Variants in RSRP1 observed in about 807,000 individuals in gnomAD.
RSRP1 encodes arginine and serine rich protein 1, also known as arginine/serine-rich protein 1.
In RSRP1, 37 loss-of-function variants were observed where a neutral mutation model predicts 33.0. That is an observed-to-expected ratio of 1.12 (90% CI 0.86 to 1.48). The LOEUF (loss-of-function observed/expected upper bound fraction) is 1.48. Ranked by LOEUF, RSRP1 falls within the 40% of genes most tolerant of loss-of-function variation. RSRP1 has a pLI of 0.00. For synonymous variants in RSRP1, 167 were observed against 158.7 expected (o/e 1.05, Z -0.40); for missense variants, 402 against 385.3 (o/e 1.04, Z -0.36).
chr1:25,271,959 G>A lies in RSRP1; in HGVS notation c.-66-24930C>T, dbSNP rs1640538430. Reference sequence around the variant, plus strand: ...CATAGATTTAAATACAAATTCAAATGTAAGTAATTTCAACTGTGTAACTAT... The same window carrying A: ...CATAGATTTAAATACAAATTCAAATATAAGTAATTTCAACTGTGTAACTAT... On this transcript the variant is annotated intron_variant, in intron 1 of 1. Coordinates refer to the RSRP1 transcript ENST00000561867. Among the ~76,000 whole-genome samples the A allele has an allele frequency of 2.3e-5, 3 of 132,620 alleles. 1 individual carries two copies. The highest frequency in any genetic ancestry group is 2.2e-4 in the Admixed American group (3 of 13,676). The allele number at this position is 132,620 out of a possible 152,430, so 87.0% of individuals were successfully genotyped here. A position where few individuals can be genotyped will look rare whatever the true frequency, so the allele number is the denominator to read the frequency against.
At chr1:25,258,920 G>C (rs1640035227) in intron 1 of RSRP1, among the ~76,000 whole-genome samples, 1 of 152,102 alleles carries the variant, frequency 6.6e-6, no homozygotes. Flanking sequence ...AGAGAAAATG[G>C]AGTTGAATCC....
intron 1 of RSRP1, among the ~76,000 whole-genome samples, chr1:25,260,799 C>CTT (rs996988638): frequency 2.1e-5 from 3 of 140,208 alleles, no homozygotes; most frequent in Non-Finnish European, 3.1e-5. Flanking sequence ...TGTCATCTTC[C>CTT]TTTTTTTTTT....
At chr1:25,250,945 G>T (rs1001751191), upstream of RSRP1, among the ~76,000 whole-genome samples, 1 of 151,990 alleles carries the variant, frequency 6.6e-6, no homozygotes, top group African/African-American at 2.4e-5. Context: ...GGAGGCGGAG[G>T]TTGCAGTGAG....
chr1:25,256,327 A>T (rs1639948781), intron 1 of RSRP1, among the ~76,000 whole-genome samples: 2 of 151,914 alleles, frequency 1.3e-5, no homozygotes, highest in African/African-American at 2.4e-5. Flanking sequence ...ACTAATTTTT[A>T]AAAAGAGTGT....
chr1:25,248,152 CAAAAT>C (rs1639628712), upstream of RSRP1: 1 of 152,108 alleles, frequency 6.6e-6, no homozygotes, highest in African/African-American at 2.4e-5. Context: ...AAGGTCGAGA[CAAAAT>C]AAAAAGACTC....
chr1:25,330,630 C>T (rs1644984242), intron 1 of RSRP1, among the ~76,000 whole-genome samples: 1 of 130,992 alleles, frequency 7.6e-6, no homozygotes, highest in South Asian at 2.3e-4. Flanking sequence ...GAATTTGAAG[C>T]CACCCTCCAA....
intron 1 of RSRP1, among the ~76,000 whole-genome samples, chr1:25,309,535 T>C (rs1218717324): frequency 7.6e-6 from 1 of 132,212 alleles, no homozygotes; most frequent in African/African-American, 2.6e-5. Context: ...AATTCAATTA[T>C]TTAAATGTAA....
At chr1:25,263,214 G>C (rs1434822396) in intron 1 of RSRP1, among the ~76,000 whole-genome samples, 1 of 152,064 alleles carries the variant, frequency 6.6e-6, no homozygotes, top group Non-Finnish European at 1.5e-5. Context: ...GGGTGGGCCA[G>C]GGAGAGACGG....
intron 1 of RSRP1, among the ~76,000 whole-genome samples, chr1:25,261,970 C>A (rs1260523708): frequency 2.0e-5 from 3 of 152,072 alleles, no homozygotes; most frequent in African/African-American, 7.2e-5. Context: ...CCTCGGCCTC[C>A]CAAAGTGCTG....
In RSRP1 at chr1:25,268,314, T is replaced by A. The variant is rs1252132326; in HGVS notation, c.-66-21285A>T. ...TGGGCAAGTCACCTGAGGTCAGGAG[T>A]TCGAGACCAGACTAGCCAACGTGGT... is the stretch of plus-strand genomic sequence containing the variant. On this transcript the variant is annotated intron_variant, in intron 1 of 1. Transcript: ENST00000561867. Among the ~76,000 whole-genome samples, 3 of 130,468 alleles carry A rather than the reference T, an allele frequency of 2.3e-5. 1 individual carries two copies. Among genetic ancestry groups the A allele is most frequent in the Non-Finnish European group, 5.4e-5 (3 of 55,114 alleles). 85.6% of individuals were successfully genotyped at this position (130,468 alleles called of 152,430 possible).
intron 1 of RSRP1, among the ~76,000 whole-genome samples, chr1:25,285,494 T>C (rs1221656505): frequency 7.4e-6 from 1 of 135,022 alleles, no homozygotes; most frequent in African/African-American, 2.6e-5. Flanking sequence ...AGACAATAAA[T>C]AGCCATGCCT....
chr1:25,303,548 G>A lies in RSRP1; in HGVS notation c.-67+34430C>T, dbSNP rs915378706. On this transcript the variant is annotated intron_variant, in intron 1 of 1. Coordinates refer to the RSRP1 transcript ENST00000561867. ...ATGGGCCACTGTGCAGTGCACAGCT[G>A]CATTAGGCAGGTGTCGGCGCATTCT... The A allele has an allele frequency of 3.0e-5, 36 of 1,211,662 alleles. 8 individuals carry two copies. The highest frequency in any genetic ancestry group is 1.1e-4 in the South Asian group (9 of 80,910). The allele number at this position is 1,211,662 out of a possible 1,614,324, so 75.1% of individuals were successfully genotyped here.
At chr1:25,280,467 G>A (rs1260245380) in intron 1 of RSRP1, among the ~76,000 whole-genome samples, 1 of 127,826 alleles carries the variant, frequency 7.8e-6, no homozygotes, top group East Asian at 2.0e-4. Flanking sequence ...CACCATGCCA[G>A]GCTAATTTTT....
At chr1:25,262,610 A>C (rs2124564245) in intron 1 of RSRP1, among the ~76,000 whole-genome samples, 1 of 152,300 alleles carries the variant, frequency 6.6e-6, no homozygotes, top group Middle Eastern at 3.4e-3. Context: ...TACTGGTAGC[A>C]TGGCTCAGTC....
chr1:25,269,782 A>G (rs913038648), intron 1 of RSRP1, among the ~76,000 whole-genome samples: 4 of 131,840 alleles, frequency 3.0e-5, no homozygotes, highest in African/African-American at 1.0e-4. Flanking sequence ...TTTTTTAATG[A>G]AAGCATTTCT....
rs546836696 is a variant in RSRP1, at chr1:25,279,947, T to C, written c.-66-32918A>G. Among the ~76,000 whole-genome samples the C allele has an allele frequency of 7.8e-4, 100 of 128,732 alleles. 23 individuals carry two copies. The highest frequency in any genetic ancestry group is 4.1e-3 in the Middle Eastern group (1 of 242). The allele number at this position is 128,732 out of a possible 152,430, so 84.5% of individuals were successfully genotyped here. A position where few individuals can be genotyped will look rare whatever the true frequency, so the allele number is the denominator to read the frequency against. Reference sequence around the variant, plus strand: ...GCAGACTGTGAGAGGTGGAGGCTGATACCAGTGAGGATGCTCCAAGCTGGG... The same window carrying C: ...GCAGACTGTGAGAGGTGGAGGCTGACACCAGTGAGGATGCTCCAAGCTGGG... On this transcript the variant is annotated intron_variant, in intron 1 of 1. Transcript: ENST00000561867.
intron 1 of RSRP1, chr1:25,272,383 C>T: frequency 1.0e-6 from 1 of 975,644 alleles, no homozygotes; most frequent in East Asian, 2.6e-5. Context: ...AGTCCCTCTG[C>T]TTCCGTGTTA....
At chr1:25,254,031 G>C (rs1279576782) in intron 1 of RSRP1, 1 of 152,216 alleles carries the variant, frequency 6.6e-6, no homozygotes, top group Non-Finnish European at 1.5e-5. Context: ...AGACATCTCC[G>C]TTGTTAGGGC....
chr1:25,283,404 A>G (rs541434214), intron 1 of RSRP1, among the ~76,000 whole-genome samples: 1 of 130,824 alleles, frequency 7.6e-6, no homozygotes, highest in Non-Finnish European at 1.8e-5. Flanking sequence ...GGTGGCAGGC[A>G]CCTGTAATCC....
Sources: gnomAD v4.1 joint callset for allele counts (sites outside exome capture counted in the v4.1 genomes callset) on GRCh38, gnomAD v4.1.1 for gene constraint, MANE v1.5 for transcripts, NCBI Gene and HGNC (gene_info 2026-07-23, HGNC 2026-07-21) for gene names.